Variants in ACTR3C observed in about 807,000 individuals in gnomAD.
ACTR3C encodes actin-related protein 3C.
In ACTR3C, 18 loss-of-function variants were observed where a neutral mutation model predicts 26.3. That is an observed-to-expected ratio of 0.68 (90% CI 0.47 to 1.01). The LOEUF (loss-of-function observed/expected upper bound fraction) is 1.01. ACTR3C is among the 50% of genes least tolerant of loss of function. ACTR3C has a pLI of 0.00. For synonymous variants in ACTR3C, 55 were observed against 94.5 expected (o/e 0.58, Z 2.42); for missense variants, 184 against 250.7 (o/e 0.73, Z 1.80).
At chr7:150,105,408 C>CG in the ACTR3C span, among the ~76,000 whole-genome samples, 1 of 151,898 alleles carries the variant, frequency 6.6e-6, no homozygotes, top group Admixed American at 6.6e-5. Flanking sequence ...AAGGAACTCA[C>CG]GGGATAAACT....
At chr7:150,098,308 C>G in the ACTR3C span, among the ~76,000 whole-genome samples, 1 of 151,530 alleles carries the variant, frequency 6.6e-6, no homozygotes, top group African/African-American at 2.4e-5. Context: ...TGTAGCAGGT[C>G]TATAAAAGAG....
the ACTR3C span, among the ~76,000 whole-genome samples, chr7:150,091,709 G>A: frequency 4.2e-4 from 61 of 143,944 alleles, 1 homozygote; most frequent in East Asian, 1.9e-3. Flanking sequence ...CTGGCCGGGC[G>A]CGGTGGCTCA....
the ACTR3C span, among the ~76,000 whole-genome samples, chr7:150,176,130 C>T: frequency 6.6e-6 from 1 of 150,796 alleles, no homozygotes; most frequent in Non-Finnish European, 1.5e-5. Context: ...CATATAATTT[C>T]CCAAAGTATT....
chr7:150,007,673 T>C, the ACTR3C span, among the ~76,000 whole-genome samples: 2 of 152,014 alleles, frequency 1.3e-5, no homozygotes, highest in African/African-American at 4.8e-5. Flanking sequence ...GGGAATGAGC[T>C]GTGGATGTTG....
chr7:150,083,147 C>T, the ACTR3C span, among the ~76,000 whole-genome samples: 105 of 151,058 alleles, frequency 7.0e-4, no homozygotes, highest in African/African-American at 2.3e-3. Context: ...GAGACAGGCC[C>T]GTACTATGTT....
the ACTR3C span, among the ~76,000 whole-genome samples, chr7:149,902,210 T>C: frequency 6.6e-6 from 1 of 151,948 alleles, no homozygotes; most frequent in African/African-American, 2.4e-5. Flanking sequence ...TAGATATTTT[T>C]ACTAAAGCTT....
At chr7:150,015,344 T>C in the ACTR3C span, among the ~76,000 whole-genome samples, 1 of 152,156 alleles carries the variant, frequency 6.6e-6, no homozygotes, top group Non-Finnish European at 1.5e-5. Flanking sequence ...CTCAAGTTGA[T>C]TTCTAATATG....
At chr7:149,901,790 G>T in the ACTR3C span, among the ~76,000 whole-genome samples, 2 of 151,454 alleles carry the variant, frequency 1.3e-5, no homozygotes, top group East Asian at 3.9e-4. Flanking sequence ...GGCACATGTC[G>T]GTAATCCCAG....
At chr7:150,185,767 G>A in the ACTR3C span, among the ~76,000 whole-genome samples, 1 of 151,944 alleles carries the variant, frequency 6.6e-6, no homozygotes, top group Non-Finnish European at 1.5e-5. Flanking sequence ...CACATGGACC[G>A]ATCTGGAAAG....
the ACTR3C span, among the ~76,000 whole-genome samples, chr7:150,022,518 C>T: frequency 6.6e-6 from 1 of 151,930 alleles, no homozygotes; most frequent in Admixed American, 6.6e-5. Flanking sequence ...TCAGCGGGGT[C>T]TTTATCCTCC....
chr7:150,162,630 G>A, the ACTR3C span, among the ~76,000 whole-genome samples: 1 of 152,034 alleles, frequency 6.6e-6, no homozygotes, highest in East Asian at 1.9e-4. Flanking sequence ...TTTTTAAATG[G>A]CAAAAACCTC....
At chr7:149,988,491 A>G in the ACTR3C span, among the ~76,000 whole-genome samples, 5 of 152,214 alleles carry the variant, frequency 3.3e-5, no homozygotes, top group Non-Finnish European at 7.3e-5. Flanking sequence ...ATTCCCTGAG[A>G]TGACTGTGTA....
At chr7:150,064,606 T>C in the ACTR3C span, among the ~76,000 whole-genome samples, 1 of 149,932 alleles carries the variant, frequency 6.7e-6, no homozygotes, top group Non-Finnish European at 1.5e-5. Flanking sequence ...AATTTGTGGA[T>C]TGTTAAAAAG....
At chr7:150,120,641 C>T in the ACTR3C span, among the ~76,000 whole-genome samples, 1 of 152,114 alleles carries the variant, frequency 6.6e-6, no homozygotes, top group African/African-American at 2.4e-5. Flanking sequence ...GATTCACAGC[C>T]AAATTCTACC....
At chr7:149,979,426 C>T in the ACTR3C span, among the ~76,000 whole-genome samples, 1 of 152,064 alleles carries the variant, frequency 6.6e-6, no homozygotes, top group Non-Finnish European at 1.5e-5. Flanking sequence ...CCCTAAAAGA[C>T]AGACAAAGAC....
At chr7:150,062,533 G>T in the ACTR3C span, among the ~76,000 whole-genome samples, 1 of 151,424 alleles carries the variant, frequency 6.6e-6, no homozygotes, top group Non-Finnish European at 1.5e-5. Context: ...ATGAATGAAT[G>T]AGGCTATGAC....
At chr7:149,904,140 C>T in the ACTR3C span, among the ~76,000 whole-genome samples, 1 of 147,250 alleles carries the variant, frequency 6.8e-6, no homozygotes, top group African/African-American at 2.4e-5. Context: ...GGGCTGGTCT[C>T]TAACTCGTGG....
intron 3 of ACTR3C, among the ~76,000 whole-genome samples, chr7:150,291,221 G>A (rs1484537090): frequency 5.3e-5 from 8 of 152,100 alleles, no homozygotes; most frequent in Non-Finnish European, 8.8e-5. Context: ...ACCTGAAGTC[G>A]GCAGTTCGAG....
At chr7:150,277,601 C>G (rs540810740) in intron 6 of ACTR3C, among the ~76,000 whole-genome samples, 129 of 152,144 alleles carry the variant, frequency 8.5e-4, no homozygotes, top group Non-Finnish European at 1.7e-3. Flanking sequence ...TAGATCTAGT[C>G]TTCCGCTGCC....
Sources: allele counts gnomAD v4.1 joint callset (sites outside exome capture counted in the v4.1 genomes callset), GRCh38; gene constraint gnomAD v4.1.1; transcripts MANE v1.5; gene names NCBI Gene and HGNC (gene_info 2026-07-23, HGNC 2026-07-21).